The following PAQR5 variants were observed in gnomAD, a reference collection of about 807,000 sequenced individuals.
PAQR5 encodes progestin and adipoQ receptor family member 5, also known as membrane progestin receptor gamma.
Under a neutral mutation model 34.5 loss-of-function variants are expected in PAQR5, and 20 were observed. The ratio of observed to expected loss-of-function variants is 0.58; its 90% CI spans 0.41 to 0.84. The LOEUF (loss-of-function observed/expected upper bound fraction) is 0.84, where lower values mean the gene tolerates loss of function less well. PAQR5 is among the 40% of genes least tolerant of loss of function. The probability of loss-of-function intolerance (pLI) is 0.00; values close to 1 mark genes in which losing one functional copy is unlikely to be tolerated. For missense variants in PAQR5, 378 were observed against 412.7 expected (o/e 0.92, Z 0.73); for synonymous variants, 131 against 155.6 (o/e 0.84, Z 1.18).
chr15:69,320,499 G>A (rs1243628574), intron 1 of PAQR5, among the ~76,000 whole-genome samples: 1 of 152,148 alleles, frequency 6.6e-6, no homozygotes, highest in Non-Finnish European at 1.5e-5. Context: ...TTGCATGCTC[G>A]GGTAAGATCA....
At chr15:69,391,093 T>C (rs2056256478) in intron 6 of PAQR5, 1 of 152,658 alleles carries the variant, frequency 6.6e-6, no homozygotes, top group Non-Finnish European at 1.5e-5. Context: ...CTGAGTTCTC[T>C]GTCCTCCCGC....
At chr15:69,322,351 G>A (rs893150635) in intron 1 of PAQR5, among the ~76,000 whole-genome samples, 6 of 149,030 alleles carry the variant, frequency 4.0e-5, no homozygotes, top group Admixed American at 6.7e-5. Context: ...AGCTGGGCGC[G>A]GTAGCGGGCA....
intron 2 of PAQR5, among the ~76,000 whole-genome samples, chr15:69,339,209 C>T (rs2054583708): frequency 7.0e-6 from 1 of 143,860 alleles, no homozygotes; most frequent in Non-Finnish European, 1.5e-5. Context: ...AAAAACTCTG[C>T]TCCTCAAATG....
At chr15:69,301,057 G>A (rs1269924426) in intron 1 of PAQR5, among the ~76,000 whole-genome samples, 1 of 146,784 alleles carries the variant, frequency 6.8e-6, no homozygotes, top group African/African-American at 2.5e-5. Flanking sequence ...AGGCTAGAGT[G>A]CAAGGGCGAG....
At chr15:69,379,383 G>A (rs1019526903) in intron 3 of PAQR5, 14 of 976,894 alleles carry the variant, frequency 1.4e-5, no homozygotes, top group East Asian at 1.1e-4. Context: ...CATCAGCATC[G>A]TGGTCCTCAT....
At chr15:69,390,726 G>A (rs1174735735) in intron 6 of PAQR5, among the ~76,000 whole-genome samples, 1 of 152,128 alleles carries the variant, frequency 6.6e-6, no homozygotes, top group African/African-American at 2.4e-5. Flanking sequence ...GTGACTGGGT[G>A]TGTCTGCCTC....
chr15:69,329,777 A>G (rs187136880), intron 1 of PAQR5, among the ~76,000 whole-genome samples: 1 of 152,256 alleles, frequency 6.6e-6, no homozygotes, highest in East Asian at 1.9e-4. Flanking sequence ...GAACCACTGC[A>G]AACAGCCTCA....
At chr15:69,377,701 G>A (rs2055745412) in intron 3 of PAQR5, among the ~76,000 whole-genome samples, 1 of 149,856 alleles carries the variant, frequency 6.7e-6, no homozygotes, top group Non-Finnish European at 1.5e-5. Flanking sequence ...GTGACCCAGG[G>A]CTTCAGCTGC....
chr15:69,321,094 T>G (rs2054085647), intron 1 of PAQR5, among the ~76,000 whole-genome samples: 1 of 152,240 alleles, frequency 6.6e-6, no homozygotes, highest in African/African-American at 2.4e-5. Flanking sequence ...GAGATTCTGA[T>G]GCACGCTTCC....
At chr15:69,397,779 G>A in intron 7 of PAQR5, 1 of 590,718 alleles carries the variant, frequency 1.7e-6, no homozygotes, top group Non-Finnish European at 3.0e-6. Flanking sequence ...ATTTTTCTTA[G>A]TACAGATCAA....
chr15:69,341,452 G>A (rs1486660436), intron 2 of PAQR5, among the ~76,000 whole-genome samples: 1 of 146,608 alleles, frequency 6.8e-6, no homozygotes, highest in African/African-American at 2.5e-5. Flanking sequence ...GTTCTCCTGA[G>A]CTCAAGTAGT....
At chr15:69,314,644 T>C (rs1334513671) in intron 1 of PAQR5, 2 of 152,380 alleles carry the variant, frequency 1.3e-5, no homozygotes, top group African/African-American at 4.8e-5. Context: ...ATTCCAGCCG[T>C]GCTCTTGCAG....
rs71149912 is a variant in PAQR5, at chr15:69,378,264, TAAAAAAA to T, written c.52-1599_52-1593del. Among the ~76,000 whole-genome samples, 17 of 59,690 alleles carry T rather than the reference TAAAAAAA, an allele frequency of 2.8e-4. No homozygotes were observed. The South Asian group carries it at 0.012, about 42-fold the overall frequency. The allele number at this position is 59,690 out of a possible 152,430, so 39.2% of individuals were successfully genotyped here. A position where few individuals can be genotyped will look rare whatever the true frequency, so the allele number is the denominator to read the frequency against. ...TGGGCAACAAAATGAGACTCCATCTTAAAAAAAAAAAAAAAAAAAAAAAAAATTAGCT... is the reference window on the plus strand; with the variant it reads ...TGGGCAACAAAATGAGACTCCATCTTAAAAAAAAAAAAAAAAAAATTAGCT... On this transcript the variant is annotated intron_variant, in intron 3 of 8. Transcript: ENST00000395407.
At chr15:69,339,876 T>C (rs1216032901) in intron 2 of PAQR5, among the ~76,000 whole-genome samples, 1 of 152,112 alleles carries the variant, frequency 6.6e-6, no homozygotes, top group African/African-American at 2.4e-5. Flanking sequence ...TTAACACCTT[T>C]TTTTTGGGGG....
At chr15:69,393,880 C>T (rs1221090628) in intron 6 of PAQR5, among the ~76,000 whole-genome samples, 2 of 152,092 alleles carry the variant, frequency 1.3e-5, no homozygotes, top group African/African-American at 2.4e-5. Flanking sequence ...TGAAAATGTT[C>T]CAGAAAACTG....
Position 69,404,916 on chromosome 15 carries a change from G to C in PAQR5, c.*1094G>C. ...GATCTGCACTGGAGCAAGTCTCCCA[G>C]ATGATTCTAATACAGGAGGGCCAGA... On this transcript the variant is annotated 3_prime_UTR_variant, in exon 9 of 9. Coordinates refer to ENST00000395407, the MANE Select transcript of PAQR5 (RefSeq NM_017705.4). 7.5e-6 allele frequency: 3 copies of C among 398,580 alleles called. No homozygotes were observed. Among genetic ancestry groups the C allele is most frequent in the East Asian group, 3.6e-5 (1 of 28,064 alleles). 24.7% of individuals were successfully genotyped at this position (398,580 alleles called of 1,614,324 possible). A position where few individuals can be genotyped will look rare whatever the true frequency, so the allele number is the denominator to read the frequency against.
intron 1 of PAQR5, among the ~76,000 whole-genome samples, chr15:69,333,953 A>C (rs534750940): frequency 4.2e-4 from 64 of 152,322 alleles, no homozygotes; most frequent in Middle Eastern, 6.8e-3. Flanking sequence ...TTTAAATCAA[A>C]TATTTTATCA....
Position 69,352,262 on chromosome 15 carries a change from C to T in PAQR5, c.-115-7704C>T, listed in dbSNP as rs571932879. Among the ~76,000 whole-genome samples, 3 of 152,278 alleles carry T rather than the reference C, an allele frequency of 2.0e-5. No individual in the cohort carries two copies. In the East Asian group the frequency reaches 5.8e-4, roughly 29 times the overall value. On this transcript the variant is annotated intron_variant, in intron 2 of 8. Transcript: ENST00000395407. ...AGCTCTTGGCCTTAGTAGGACTGGG[C>T]CTTAGTAGAAACTGAATGCTTGACC...
At chr15:69,336,546 G>A (rs1041092401) in intron 1 of PAQR5, among the ~76,000 whole-genome samples, 3 of 152,090 alleles carry the variant, frequency 2.0e-5, no homozygotes, top group African/African-American at 4.8e-5. Context: ...TCTCTTTGTC[G>A]ATCGTGTCTT....
Sources: allele counts gnomAD v4.1 joint callset (sites outside exome capture counted in the v4.1 genomes callset), GRCh38; gene constraint gnomAD v4.1.1; transcripts MANE v1.5; gene names NCBI Gene and HGNC (gene_info 2026-07-23, HGNC 2026-07-21).